The following SASH1 variants were observed in gnomAD, a reference collection of about 807,000 sequenced individuals.
The protein encoded by SASH1 is SAM and SH3 domain containing 1.
Under a neutral mutation model 125.2 loss-of-function variants are expected in SASH1, and 44 were observed. The observed-to-expected ratio is 0.35, with a 90% CI of 0.28 to 0.45. The LOEUF is 0.45. Ranked by LOEUF, SASH1 falls within the 20% of genes least tolerant of loss-of-function variation. The probability of loss-of-function intolerance (pLI) is 1.00; values close to 1 mark genes in which losing one functional copy is unlikely to be tolerated. For missense variants in SASH1, 1,426 were observed against 1,614.5 expected (o/e 0.88, Z 2.00); for synonymous variants, 639 against 649.1 (o/e 0.98, Z 0.24).
intron 1 of SASH1, among the ~76,000 whole-genome samples, chr6:148,277,228 T>C (rs1260856816): frequency 3.3e-5 from 5 of 152,194 alleles, no homozygotes; most frequent in Non-Finnish European, 5.9e-5. Context: ...GCTCCTGGCG[T>C]GGTCAGGTGG....
intron 1 of SASH1, among the ~76,000 whole-genome samples, chr6:148,301,469 T>C (rs1343486726): frequency 6.6e-6 from 1 of 152,166 alleles, no homozygotes; most frequent in East Asian, 1.9e-4. Flanking sequence ...TTTCGCCATG[T>C]TGGCCAGGCT....
At position 148,387,692 on chromosome 6, in the gene SASH1, C is replaced by T. The variant is rs189109730; in HGVS notation, c.157-2442C>T. The stretch of plus-strand genomic sequence containing the variant: ...TCTTTCTTTCTTTCTTTCTTTCTTT[C>T]GGCATCCTTAGTAAATTATTTCTTT... On this transcript the variant is annotated intron_variant, in intron 1 of 19. Transcript: ENST00000367467. Among the ~76,000 whole-genome samples, 155 of 115,926 alleles carry T rather than the reference C, an allele frequency of 1.3e-3. 2 individuals carry two copies. The highest frequency in any genetic ancestry group is 2.0e-3 in the Non-Finnish European group (114 of 56,956). 76.1% of individuals were successfully genotyped at this position (115,926 alleles called of 152,430 possible). A position where few individuals can be genotyped will look rare whatever the true frequency, so the allele number is the denominator to read the frequency against.
chr6:148,207,630 T>C, the SASH1 span, among the ~76,000 whole-genome samples: 1 of 152,200 alleles, frequency 6.6e-6, no homozygotes, highest in South Asian at 2.1e-4. Context: ...TGCCTTGAGA[T>C]GTTGGGATGG....
intron 16 of SASH1, among the ~76,000 whole-genome samples, chr6:148,536,127 TTAAG>T (rs142481628): frequency 6.6e-6 from 1 of 152,198 alleles, no homozygotes; most frequent in Non-Finnish European, 1.5e-5. Context: ...ACAAGGTCTT[TTAAG>T]TAAGTATTTG....
At chr6:148,440,907 G>A (rs540871210) in intron 4 of SASH1, among the ~76,000 whole-genome samples, 2 of 152,196 alleles carry the variant, frequency 1.3e-5, no homozygotes, top group African/African-American at 4.8e-5. Context: ...CCTGTTAAAG[G>A]TAATATTTTT....
At chr6:148,307,033 TTTC>T (rs1320508011) in intron 1 of SASH1, among the ~76,000 whole-genome samples, 2 of 44,756 alleles carry the variant, frequency 4.5e-5, no homozygotes, top group South Asian at 8.0e-4. Context: ...CTTTTCTTTC[TTTC>T]TTTCTTTCTT....
intron 1 of SASH1, among the ~76,000 whole-genome samples, chr6:148,281,106 CTTTTTTTTT>C (rs34144143): frequency 2.9e-5 from 2 of 69,240 alleles, no homozygotes; most frequent in Non-Finnish European, 5.3e-5. Context: ...CCATGCCTAG[CTTTTTTTTT>C]TTTTTTTTTT....
chr6:148,532,063 A>G lies in SASH1; in HGVS notation c.1564+402A>G, dbSNP rs188646358. 7.3e-4 allele frequency among the ~76,000 whole-genome samples: 111 copies of G among 152,228 alleles called. No homozygotes were observed. Among genetic ancestry groups the G allele is most frequent in the African/African-American group, 2.6e-3 (107 of 41,532 alleles). On this transcript the variant is annotated intron_variant, in intron 13 of 19. Transcript: ENST00000367467. This position sits in a 1 kb window ranked among gnomAD's most constrained non-coding sequence, Gnocchi z 4.7. ...GAGTTGGCTGAATGGTATGAAGGAA[A>G]AGATCAACTTTATTTTATTTTTATT... is the stretch of plus-strand genomic sequence containing the variant.
the SASH1 span, among the ~76,000 whole-genome samples, chr6:148,210,858 C>T: frequency 6.6e-6 from 1 of 152,148 alleles, no homozygotes; most frequent in Non-Finnish European, 1.5e-5. Flanking sequence ...TCAAATATTG[C>T]TCTAAATAGA....
At chr6:148,471,089 G>A (rs1778085867) in intron 5 of SASH1, among the ~76,000 whole-genome samples, 1 of 151,764 alleles carries the variant, frequency 6.6e-6, no homozygotes, top group Non-Finnish European at 1.5e-5. Context: ...GAAATATACT[G>A]CAAGACGAGG....
chr6:148,277,337 A>G (rs1779215204), intron 1 of SASH1, among the ~76,000 whole-genome samples: 1 of 152,220 alleles, frequency 6.6e-6, no homozygotes, highest in East Asian at 1.9e-4. Flanking sequence ...ATACCATGCT[A>G]ACACCTGAGA....
At chr6:148,208,819 A>G in the SASH1 span, among the ~76,000 whole-genome samples, 1 of 152,216 alleles carries the variant, frequency 6.6e-6, no homozygotes, top group Non-Finnish European at 1.5e-5. Context: ...TCTTTCAACT[A>G]TATAGAAACT....
At chr6:148,509,133 T>C (rs1779973726) in intron 8 of SASH1, 1 of 348,840 alleles carries the variant, frequency 2.9e-6, no homozygotes, top group Admixed American at 4.0e-5. Flanking sequence ...TGAGCATATA[T>C]GGCTCAGCTG....
intron 1 of SASH1, among the ~76,000 whole-genome samples, chr6:148,304,167 A>G (rs1253668813): frequency 3.3e-5 from 5 of 151,308 alleles, no homozygotes; most frequent in Admixed American, 1.3e-4. Flanking sequence ...GGCTGGGCGC[A>G]GTGGCTCACG....
intron 1 of SASH1, among the ~76,000 whole-genome samples, chr6:148,279,824 T>C (rs554424351): frequency 3.9e-5 from 6 of 151,974 alleles, no homozygotes; most frequent in African/African-American, 1.4e-4. Context: ...CCGTCTCTAC[T>C]AAAAAGACAA....
At chr6:148,385,202 A>G (rs1379315193) in intron 1 of SASH1, among the ~76,000 whole-genome samples, 1 of 152,148 alleles carries the variant, frequency 6.6e-6, no homozygotes, top group East Asian at 1.9e-4. Context: ...AGTGGCTATT[A>G]TGGCATGTTG....
intron 1 of SASH1, among the ~76,000 whole-genome samples, chr6:148,293,131 T>G (rs2493926): frequency 6.6e-6 from 1 of 151,604 alleles, no homozygotes; most frequent in African/African-American, 2.4e-5. Context: ...TGTAATAATC[T>G]CAAAGGGCTC....
chr6:148,552,030 A>G lies in SASH1; in HGVS notation c.*3472A>G, dbSNP rs1782896914. On this transcript the variant is annotated 3_prime_UTR_variant, in exon 20 of 20. Coordinates refer to ENST00000367467, the MANE Select transcript of SASH1 (RefSeq NM_015278.5). ...TATGTACCTAGAAAAAAGTAAATAA[A>G]TTTCTTCAGTTGAATATGCCTTTTT... is the stretch of plus-strand genomic sequence containing the variant. 2 of 152,626 alleles carry G rather than the reference A, an allele frequency of 1.3e-5. No homozygotes were observed. Among genetic ancestry groups the G allele is most frequent in the Admixed American group, 6.5e-5 (1 of 15,284 alleles). The allele number at this position is 152,626 out of a possible 1,614,324, so 9.5% of individuals were successfully genotyped here. A position where few individuals can be genotyped will look rare whatever the true frequency, so the allele number is the denominator to read the frequency against.
At chr6:148,362,673 A>AC (rs1371397953) in intron 1 of SASH1, among the ~76,000 whole-genome samples, 1 of 151,326 alleles carries the variant, frequency 6.6e-6, no homozygotes, top group Non-Finnish European at 1.5e-5. Flanking sequence ...ACATAGTGAG[A>AC]CCCCTTCTCT....
Sources: gnomAD v4.1 joint callset for allele counts (sites outside exome capture counted in the v4.1 genomes callset) on GRCh38, gnomAD v4.1.1 for gene constraint, Gnocchi (gnomAD v3.1) non-coding constraint, MANE v1.5 for transcripts, NCBI Gene and HGNC (gene_info 2026-07-23, HGNC 2026-07-21) for gene names.